Variants in LMAN2L observed in about 807,000 individuals in gnomAD.
LMAN2L encodes VIP36-like protein.
A neutral mutation model predicts 44.3 loss-of-function variants in LMAN2L; 30 were observed. The ratio of observed to expected loss-of-function variants is 0.68; its 90% CI spans 0.51 to 0.92. The LOEUF (loss-of-function observed/expected upper bound fraction) is 0.92. LMAN2L is among the 40% of genes least tolerant of loss of function. The probability of loss-of-function intolerance (pLI) is 0.00; values close to 1 mark genes in which losing one functional copy is unlikely to be tolerated. For missense variants in LMAN2L, 429 were observed against 446.1 expected, an observed-to-expected ratio of 0.96 and a Z score of 0.35; for synonymous variants, 183 against 171.1, an observed-to-expected ratio of 1.07 and a Z score of -0.54.
rs181985385 is a variant in LMAN2L, at chr2:96,712,079, T to A, written c.508-54A>T. The A allele has an allele frequency of 9.6e-6, 15 of 1,565,820 alleles. No homozygotes were observed. In the East Asian group the frequency reaches 3.4e-4, roughly 35 times the overall value. On this transcript the variant is annotated intron_variant, in intron 4 of 7. Transcript: ENST00000264963. ...CTAAGGAAGAGCACATAGGAACGCC[T>A]GTACAAACAGCAACAGGAATTCAGC...
intron 7 of LMAN2L, 93 bp from the exon 8 acceptor site, chr2:96,707,491 C>A (rs1348461148): frequency 2.1e-6 from 3 of 1,415,878 alleles, no homozygotes; most frequent in Non-Finnish European, 2.8e-6. Flanking sequence ...CAGTTTCTGA[C>A]ACCTACTTCT....
chr2:96,725,378 G>A (rs1383018718), intron 4 of LMAN2L, among the ~76,000 whole-genome samples: 1 of 152,084 alleles, frequency 6.6e-6, no homozygotes, highest in Non-Finnish European at 1.5e-5. Flanking sequence ...TGGGATTATA[G>A]GTGTGAGCCA....
intron 4 of LMAN2L, among the ~76,000 whole-genome samples, chr2:96,723,135 T>C (rs532437974): frequency 7.9e-5 from 12 of 152,368 alleles, no homozygotes; most frequent in African/African-American, 2.6e-4. Flanking sequence ...GTCAAACTTT[T>C]CCAAAGCAAC....
chr2:96,726,348 TTTTA>T (rs1249051403), intron 4 of LMAN2L, among the ~76,000 whole-genome samples: 1 of 152,038 alleles, frequency 6.6e-6, no homozygotes, highest in African/African-American at 2.4e-5. Context: ...TCTGAATGTC[TTTTA>T]TTTCACTTTC....
At chr2:96,729,792 C>T (rs993869355) in intron 4 of LMAN2L, among the ~76,000 whole-genome samples, 2 of 152,216 alleles carry the variant, frequency 1.3e-5, no homozygotes, top group Admixed American at 6.5e-5. Context: ...GGGTGTGAGC[C>T]ACCGCGCCCG....
At chr2:96,736,632 C>T (rs1419795887) in intron 2 of LMAN2L, among the ~76,000 whole-genome samples, 1 of 152,152 alleles carries the variant, frequency 6.6e-6, no homozygotes, top group African/African-American at 2.4e-5. Flanking sequence ...TTTAACTTGC[C>T]ACAGTCTTTT....
At chr2:96,730,540 T>G (rs904599398) in intron 4 of LMAN2L, among the ~76,000 whole-genome samples, 1 of 152,148 alleles carries the variant, frequency 6.6e-6, no homozygotes, top group African/African-American at 2.4e-5. Flanking sequence ...GAGGCTACAG[T>G]GTTAATATTG....
At chr2:96,729,689 G>C (rs1273844615) in intron 4 of LMAN2L, among the ~76,000 whole-genome samples, 3 of 152,036 alleles carry the variant, frequency 2.0e-5, no homozygotes, top group Non-Finnish European at 4.4e-5. Context: ...TGTATTTTTA[G>C]TAGAGACAGG....
At chr2:96,737,321 GA>G in intron 2 of LMAN2L, 1 of 360,414 alleles carries the variant, frequency 2.8e-6, no homozygotes, top group Non-Finnish European at 5.3e-6. Flanking sequence ...GAAATAACAA[GA>G]TGGGGATGCT....
intron 4 of LMAN2L, among the ~76,000 whole-genome samples, chr2:96,713,708 C>T (rs1208579839): frequency 6.6e-6 from 1 of 152,230 alleles, no homozygotes; most frequent in African/African-American, 2.4e-5. Flanking sequence ...CCAAAGGGAT[C>T]ACTTACCCTC....
At chr2:96,739,293 T>C (rs2078584460) in intron 1 of LMAN2L, among the ~76,000 whole-genome samples, 2 of 152,210 alleles carry the variant, frequency 1.3e-5, no homozygotes. Context: ...AGTTAAGCCA[T>C]CTGCACTGGT....
intron 4 of LMAN2L, among the ~76,000 whole-genome samples, chr2:96,716,370 G>A (rs1170966269): frequency 5.9e-5 from 9 of 151,624 alleles, no homozygotes; most frequent in Non-Finnish European, 1.0e-4. Flanking sequence ...TTGCACCAGT[G>A]AAAACTCTGT....
intron 4 of LMAN2L, among the ~76,000 whole-genome samples, chr2:96,722,250 G>C (rs1205408039): frequency 1.3e-5 from 2 of 152,118 alleles, no homozygotes; most frequent in Non-Finnish European, 2.9e-5. Context: ...TTACAGGCGT[G>C]AGCCACCGCA....
At chr2:96,709,692 G>A (rs1181224162) in intron 6 of LMAN2L, among the ~76,000 whole-genome samples, 1 of 152,216 alleles carries the variant, frequency 6.6e-6, no homozygotes, top group Non-Finnish European at 1.5e-5. Flanking sequence ...ATTAAAGCCT[G>A]GAACGGCTGG....
intron 4 of LMAN2L, among the ~76,000 whole-genome samples, chr2:96,722,199 A>G (rs2078172419): frequency 1.3e-5 from 2 of 149,840 alleles, no homozygotes; most frequent in Admixed American, 1.3e-4. Context: ...CAATCTCCTG[A>G]CCTCGTGATC....
intron 4 of LMAN2L, among the ~76,000 whole-genome samples, chr2:96,720,918 G>A (rs758723817): frequency 3.3e-5 from 5 of 152,044 alleles, no homozygotes; most frequent in South Asian, 2.1e-4. Flanking sequence ...CAACCTGGGC[G>A]ACAGGGTGAG....
At chr2:96,709,754 A>G (rs1306418027) in intron 6 of LMAN2L, among the ~76,000 whole-genome samples, 1 of 152,266 alleles carries the variant, frequency 6.6e-6, no homozygotes. Context: ...TACAACAAGT[A>G]AGAGGATGGC....
At chr2:96,724,815 T>TTTTTTA (rs1034034878) in intron 4 of LMAN2L, among the ~76,000 whole-genome samples, 2 of 151,584 alleles carry the variant, frequency 1.3e-5, no homozygotes, top group Non-Finnish European at 2.9e-5. Flanking sequence ...CTCAGCTAAT[T>TTTTTTA]TTTTTATTTT....
At chr2:96,708,499 G>A (rs181540716) in intron 6 of LMAN2L, among the ~76,000 whole-genome samples, 2 of 152,268 alleles carry the variant, frequency 1.3e-5, no homozygotes, top group African/African-American at 2.4e-5. Context: ...GGGACATAAC[G>A]CCATTGTATG....
Sources: gnomAD v4.1 joint callset for allele counts (sites outside exome capture counted in the v4.1 genomes callset) on GRCh38, gnomAD v4.1.1 for gene constraint, MANE v1.5 for transcripts, NCBI Gene and HGNC (gene_info 2026-07-23, HGNC 2026-07-21) for gene names.